ZNF551: variants seen among roughly 807,000 people sequenced by gnomAD.
ZNF551 encodes KOX 23 protein (56 AA).
A neutral mutation model predicts 7.9 loss-of-function variants in ZNF551; 5 were observed. That is an observed-to-expected ratio of 0.63 (90% confidence interval 0.33 to 1.33). The LOEUF (loss-of-function observed/expected upper bound fraction) is 1.33. ZNF551 is among the 40% of genes most tolerant of loss of function. ZNF551 has a pLI of 0.05. For missense variants in ZNF551, 788 were observed against 825.2 expected (o/e 0.95, Z 0.55); for synonymous variants, 287 against 277.3 (o/e 1.03, Z -0.35).
chr19:57,682,457 G>C (rs186166867), intron 1 of ZNF551, among the ~76,000 whole-genome samples: 99 of 152,052 alleles, frequency 6.5e-4, no homozygotes, highest in African/African-American at 2.3e-3. Context: ...CGACTAAGCT[G>C]GGGGGGATTC....
chr19:57,682,314 C>T (rs1423335740), intron 1 of ZNF551, 70 bp downstream of exon 1: 13 of 1,479,168 alleles, frequency 8.8e-6, no homozygotes, highest in African/African-American at 1.4e-5. Flanking sequence ...TGAGGGATGC[C>T]TGCTCACAGC....
At chr19:57,686,094 G>C (rs376791670) in intron 2 of ZNF551, among the ~76,000 whole-genome samples, 1 of 152,192 alleles carries the variant, frequency 6.6e-6, no homozygotes, top group Non-Finnish European at 1.5e-5. Context: ...TGTGTTGTGA[G>C]GTATGCACAC....
chr19:57,686,691 G>T lies in ZNF551; in HGVS notation c.416G>T (p.Arg139Ile). ...TCATACTTGGGTAGCACAAGCATGAGAGGCTTCTGCTTCAGTGCTGACCTT... is the reference window on the plus strand; with the variant it reads ...TCATACTTGGGTAGCACAAGCATGATAGGCTTCTGCTTCAGTGCTGACCTT... ...QKSYLGSTSM[R>I]GFCFSADLHQ... Residue 139 changes from arginine to isoleucine, a missense_variant, in exon 3 of 3, where the codon AGA (arginine) becomes ATA (isoleucine). Coordinates refer to ENST00000282296, the MANE Select transcript of ZNF551 (RefSeq NM_138347.5). 6.2e-7 allele frequency: 1 copy of T among 1,614,232 alleles called. No homozygotes were observed. The highest frequency in any genetic ancestry group is 8.5e-7 in the Non-Finnish European group (1 of 1,180,046).
rs1035030878 is a variant in ZNF551, at chr19:57,688,524, C to T, written c.*236C>T. 1.7e-6 allele frequency: 1 copy of T among 581,712 alleles called. No homozygotes were observed. The highest frequency in any genetic ancestry group is 1.9e-5 in the African/African-American group (1 of 53,730). The allele number at this position is 581,712 out of a possible 1,614,324, so 36.0% of individuals were successfully genotyped here. ...AAGCCATTTCACATTTCACCCCTAC[C>T]ACCTGGCAGGTGCACACCATGTGCA... On this transcript the variant is annotated 3_prime_UTR_variant, in exon 3 of 3. Transcript: ENST00000282296.
chr19:57,687,487 C>G lies in ZNF551; in HGVS notation c.1212C>G (p.Phe404Leu). The G allele has an allele frequency of 2.5e-6, 4 of 1,613,958 alleles. No homozygotes were observed. The highest frequency in any genetic ancestry group is 3.4e-6 in the Non-Finnish European group (4 of 1,179,956). Residue 404 changes from phenylalanine to leucine, a missense_variant, in exon 3 of 3, where the codon TTC becomes TTG. Transcript: ENST00000282296. ...CECGKSFRQI[F>L]NLIRHRRVHT... ...GTGGGAAATCCTTTAGACAAATCTT[C>G]AATCTCATTCGACATAGAAGAGTTC...
At chr19:57,685,639 T>C (rs1048847343) in intron 2 of ZNF551, among the ~76,000 whole-genome samples, 3 of 152,228 alleles carry the variant, frequency 2.0e-5, no homozygotes, top group Non-Finnish European at 4.4e-5. Context: ...ACTATGGAGC[T>C]CTTTTTACAA....
In ZNF551 at chr19:57,688,079, C is replaced by T. The variant is rs1460642911; in HGVS notation, c.1804C>T (p.Leu602Phe). 4 of 1,614,182 alleles carry T rather than the reference C, an allele frequency of 2.5e-6. No homozygotes were observed. Among genetic ancestry groups the T allele is most frequent in the South Asian group, 2.2e-5 (2 of 91,082 alleles). ...CGKSFSQSSS[L>F]IQHQRGHTGE... is the part of the protein sequence containing the mutation. The stretch of plus-strand genomic sequence containing the variant: ...GAAATCCTTTAGCCAGAGCTCTAGC[C>T]TCATTCAACACCAGAGAGGTCACAC... Residue 602 changes from leucine (L) to phenylalanine (F), a missense_variant, in exon 3 of 3, where the codon CTC (leucine) becomes TTC (phenylalanine). Coordinates refer to ENST00000282296, the MANE Select transcript of ZNF551 (RefSeq NM_138347.5).
Position 57,688,236 on chromosome 19 carries a change from G to A in ZNF551, c.1961G>A (p.Arg654His), listed in dbSNP as rs141454629. ...ECSECGKSFS[R>H]KSNLIRHRRV... ...AGTGAATGTGGGAAATCCTTTAGCC[G>A]CAAATCTAACCTCATTCGACATCGG... The change falls in exon 3 of 3, where the codon CGC becomes CAC. Residue 654 changes from arginine (R) to histidine (H), a missense_variant. Physicochemically the swap from Arg to His is conservative, Grantham distance 29. Coordinates refer to ENST00000282296, the MANE Select transcript of ZNF551 (RefSeq NM_138347.5). The A allele has an allele frequency of 2.4e-5, 39 of 1,614,158 alleles. No individual in the cohort carries two copies. Among genetic ancestry groups the A allele is most frequent in the Non-Finnish European group, 2.9e-5 (34 of 1,180,020 alleles).
chr19:57,685,468 C>T (rs1984526431), intron 2 of ZNF551, 83 bp downstream of exon 2: 2 of 1,598,130 alleles, frequency 1.3e-6, no homozygotes, highest in Non-Finnish European at 1.7e-6. Flanking sequence ...TGCTGTCAGC[C>T]TAGTGGATCT....
rs1179218322 is a variant in ZNF551, at chr19:57,687,361, T to C, written c.1086T>C (p.Pro362=). 1.9e-6 allele frequency: 3 copies of C among 1,614,082 alleles called. No individual in the cohort carries two copies. The Admixed American group carries it at 5.0e-5, about 27-fold the overall frequency. ...EHQRVHTGER[P]YECGECGKSF... is the part of the protein sequence containing the mutation. The stretch of plus-strand genomic sequence containing the variant: ...AGAGAGTTCACACTGGAGAAAGGCC[T>C]TATGAATGTGGCGAGTGCGGGAAAT... The change falls in exon 3 of 3, where the codon CCT becomes CCC. Residue 362 remains proline, a synonymous_variant. Transcript: ENST00000282296.
chr19:57,685,680 T>C (rs1984532762), intron 2 of ZNF551, among the ~76,000 whole-genome samples: 1 of 151,856 alleles, frequency 6.6e-6, no homozygotes, highest in Non-Finnish European at 1.5e-5. Flanking sequence ...TTGTGAGTGC[T>C]GGTCACTCCC....
intron 1 of ZNF551, among the ~76,000 whole-genome samples, chr19:57,683,782 A>G (rs985276894): frequency 1.3e-5 from 2 of 152,180 alleles, no homozygotes; most frequent in African/African-American, 4.8e-5. Context: ...GCATGTGGCC[A>G]AGGCTTCTCA....
At chr19:57,686,358 C>G in intron 2 of ZNF551, 123 bp from the exon 3 acceptor site, 1 of 1,338,792 alleles carries the variant, frequency 7.5e-7, no homozygotes, top group African/African-American at 1.5e-5. Context: ...TATTCCTCCC[C>G]AGTTCCGTTG....
chr19:57,688,237 C>G lies in ZNF551; in HGVS notation c.1962C>G (p.Arg654=). ...GTGAATGTGGGAAATCCTTTAGCCG[C>G]AAATCTAACCTCATTCGACATCGGA... ...ECSECGKSFS[R]KSNLIRHRRV... is the part of the protein sequence containing the mutation. Residue 654 remains arginine (R), a synonymous_variant, in exon 3 of 3, where the codon CGC becomes CGG. Transcript: ENST00000282296. 1.2e-6 allele frequency: 2 copies of G among 1,614,172 alleles called. No individual in the cohort carries two copies. The highest frequency in any genetic ancestry group is 2.7e-5 in the African/African-American group (2 of 75,040).
In ZNF551 at chr19:57,686,630, G is replaced by A. The variant is rs377055514; in HGVS notation, c.355G>A (p.Ala119Thr). Reference protein sequence around the residue: ...CVPVLKDILPAAEHQTTSPVQ... With the variant: ...CVPVLKDILPTAEHQTTSPVQ... The stretch of plus-strand genomic sequence containing the variant: ...CCCAGTCTTGAAAGACATTTTGCCT[G>A]CGGCTGAGCACCAAACCACATCCCC... Residue 119 changes from alanine to threonine, a missense_variant, in exon 3 of 3, where the codon GCG (alanine) becomes ACG (threonine). Ala to Thr is a moderately conservative substitution (Grantham distance 58). Transcript: ENST00000282296. 20 of 1,614,072 alleles carry A rather than the reference G, an allele frequency of 1.2e-5. No individual in the cohort carries two copies. The highest frequency in any genetic ancestry group is 1.7e-5 in the Non-Finnish European group (20 of 1,180,050).
Position 57,688,104 on chromosome 19 carries a change from C to A in ZNF551, c.1829C>A (p.Thr610Asn), listed in dbSNP as rs755397842. Residue 610 changes from threonine to asparagine, a missense_variant, in exon 3 of 3, where the codon ACT becomes AAT. Thr to Asn is a moderately conservative substitution (Grantham distance 65). Transcript: ENST00000282296. Reference protein sequence around the residue: ...SSLIQHQRGHTGERPYECSQC... With the variant: ...SSLIQHQRGHNGERPYECSQC... Reference sequence around the variant, plus strand: ...CTCATTCAACACCAGAGAGGTCACACTGGAGAAAGACCTTATGAGTGCAGT... The same window carrying A: ...CTCATTCAACACCAGAGAGGTCACAATGGAGAAAGACCTTATGAGTGCAGT... The A allele has an allele frequency of 6.2e-7, 1 of 1,614,154 alleles. No homozygotes were observed. Among genetic ancestry groups the A allele is most frequent in the South Asian group, 1.1e-5 (1 of 91,082 alleles).
rs892912048 is a variant in ZNF551 at position 57,690,302 on chromosome 19, C to A, written c.*2014C>A. The A allele has an allele frequency of 2.0e-5, 3 of 152,076 alleles. No homozygotes were observed. Among genetic ancestry groups the A allele is most frequent in the African/African-American group, 4.8e-5 (2 of 41,400 alleles). The allele number at this position is 152,076 out of a possible 1,614,324, so 9.4% of individuals were successfully genotyped here. A position where few individuals can be genotyped will look rare whatever the true frequency, so the allele number is the denominator to read the frequency against. Reference sequence around the variant, plus strand: ...TTTATAATCTTTCTCCCTTCCCCAGCTCTTCAGGTTCAACTGATTTCCTTT... The same window carrying A: ...TTTATAATCTTTCTCCCTTCCCCAGATCTTCAGGTTCAACTGATTTCCTTT... On this transcript the variant is annotated 3_prime_UTR_variant, in exon 3 of 3. Coordinates refer to ENST00000282296, the MANE Select transcript of ZNF551 (RefSeq NM_138347.5).
chr19:57,689,958 T>A lies in ZNF551; in HGVS notation c.*1670T>A, dbSNP rs1237792614. On this transcript the variant is annotated 3_prime_UTR_variant, in exon 3 of 3. Transcript: ENST00000282296. ...TGTGGCTTTTGTGACTCAGCCAACA[T>A]TCCTATTAATTCAGGTGGCAACAGC... The A allele has an allele frequency of 6.6e-6, 1 of 152,124 alleles. No individual in the cohort carries two copies. Among genetic ancestry groups the A allele is most frequent in the East Asian group, 1.9e-4 (1 of 5,184 alleles). 9.4% of individuals were successfully genotyped at this position (152,124 alleles called of 1,614,324 possible).
chr19:57,687,719 A>C lies in ZNF551; in HGVS notation c.1444A>C (p.Lys482Gln). 1 of 1,614,176 alleles carries C rather than the reference A, an allele frequency of 6.2e-7. No individual in the cohort carries two copies. The highest frequency in any genetic ancestry group is 1.1e-5 in the South Asian group (1 of 91,072). Reference sequence around the variant, plus strand: ...GCCTTATGAGTGCAGTGAATGTGAGAAATCCTTTAGCCGCAAATTTATCCT... The same window carrying C: ...GCCTTATGAGTGCAGTGAATGTGAGCAATCCTTTAGCCGCAAATTTATCCT... The part of the protein sequence containing the change: ...DRPYECSECE[K>Q]SFSRKFILIQ... The change falls in exon 3 of 3, where the codon AAA (lysine) becomes CAA (glutamine). Residue 482 changes from lysine (K) to glutamine (Q), a missense_variant. Coordinates refer to ENST00000282296, the MANE Select transcript of ZNF551 (RefSeq NM_138347.5).
Sources: allele counts gnomAD v4.1 joint callset (sites outside exome capture counted in the v4.1 genomes callset), GRCh38; gene constraint gnomAD v4.1.1; transcripts MANE v1.5; gene names NCBI Gene and HGNC (gene_info 2026-07-23, HGNC 2026-07-21).